The following MAPK10 variants were observed in gnomAD, a reference collection of about 807,000 sequenced individuals.
MAPK10 encodes mitogen-activated protein kinase 10.
Under a neutral mutation model 59.3 loss-of-function variants are expected in MAPK10, and 25 were observed. The ratio of observed to expected loss-of-function variants is 0.42; its 90% CI spans 0.31 to 0.59. The LOEUF is 0.59. Ranked by LOEUF, MAPK10 falls within the 20% of genes least tolerant of loss-of-function variation. The pLI, the probability that MAPK10 is intolerant of heterozygous loss-of-function variation, is 0.15. For synonymous variants in MAPK10, 190 were observed against 200.5 expected (o/e 0.95, Z 0.44); for missense variants, 351 against 568.9 (o/e 0.62, Z 3.90).
intron 4 of MAPK10, among the ~76,000 whole-genome samples, chr4:86,132,132 G>A (rs1055373489): frequency 6.6e-6 from 1 of 152,006 alleles, no homozygotes; most frequent in African/African-American, 2.4e-5. Context: ...AGTTCATAAA[G>A]GTCTCAATGA....
At chr4:86,339,080 A>G (rs144749905) in intron 2 of MAPK10, among the ~76,000 whole-genome samples, 1,963 of 152,266 alleles carry the variant, frequency 0.013, 9 homozygotes, top group Non-Finnish European at 0.015. Flanking sequence ...TAGGAATCAC[A>G]CTCTGCAGTC....
At chr4:86,274,880 C>A (rs1262774530) in intron 2 of MAPK10, among the ~76,000 whole-genome samples, 2 of 151,940 alleles carry the variant, frequency 1.3e-5, no homozygotes, top group Non-Finnish European at 2.9e-5. Flanking sequence ...TGAGATTAAG[C>A]AATTTTCTCA....
rs796310826 is a variant in MAPK10, at chr4:86,359,288, C to CTCTCTCTCTG, written c.-122+369_-122+370insCAGAGAGAGA. 2.0e-3 allele frequency among the ~76,000 whole-genome samples: 188 copies of CTCTCTCTCTG among 94,604 alleles called. 2 individuals carry two copies. Among genetic ancestry groups the CTCTCTCTCTG allele is most frequent in the East Asian group, 9.8e-3 (33 of 3,356 alleles). The allele number at this position is 94,604 out of a possible 152,430, so 62.1% of individuals were successfully genotyped here. A position where few individuals can be genotyped will look rare whatever the true frequency, so the allele number is the denominator to read the frequency against. ...CCTCTCTCTCTCTCTCTCTCTCTCT[C>CTCTCTCTCTG]TGTGTGTGTGTGTGTGTGTGTGTGT... On this transcript the variant is annotated intron_variant, in intron 1 of 13. Coordinates refer to ENST00000641462, the MANE Select transcript of MAPK10 (RefSeq NM_138982.4).
At chr4:86,317,304 C>T (rs1364006848) in intron 2 of MAPK10, among the ~76,000 whole-genome samples, 1 of 152,134 alleles carries the variant, frequency 6.6e-6, no homozygotes, top group African/African-American at 2.4e-5. Context: ...TCTGAGGTTC[C>T]TTCTCACGTT....
intron 2 of MAPK10, among the ~76,000 whole-genome samples, chr4:86,230,604 A>G (rs919642667): frequency 3.3e-5 from 5 of 152,222 alleles, no homozygotes; most frequent in African/African-American, 1.2e-4. Flanking sequence ...TATACAAATT[A>G]ATGTTACCTA....
chr4:86,501,112 C>A (rs6824534), intron 1 of MAPK10, among the ~76,000 whole-genome samples: 1 of 56,630 alleles, frequency 1.8e-5, no homozygotes, highest in African/African-American at 7.0e-5. Flanking sequence ...TCTCTACGAT[C>A]TGAAAAAAAA....
At chr4:86,157,798 C>T (rs2068279194) in intron 4 of MAPK10, among the ~76,000 whole-genome samples, 1 of 151,920 alleles carries the variant, frequency 6.6e-6, no homozygotes, top group African/African-American at 2.4e-5. Flanking sequence ...TGTTAACTTC[C>T]TGAGCAAAAT....
rs889905495 is a variant in MAPK10, at chr4:86,014,003, C to T, written c.*3225G>A. The stretch of plus-strand genomic sequence containing the variant: ...AGACATATTAATAGTAAAGTGGTGG[C>T]GGTTTTGCCAAACTCTTGCAGCAGT... On this transcript the variant is annotated 3_prime_UTR_variant, in exon 14 of 14. Coordinates refer to ENST00000641462, the MANE Select transcript of MAPK10 (RefSeq NM_138982.4). 6.6e-6 allele frequency: 1 copy of T among 152,168 alleles called. No individual in the cohort carries two copies. The highest frequency in any genetic ancestry group is 1.5e-5 in the Non-Finnish European group (1 of 68,038). The allele number at this position is 152,168 out of a possible 1,614,324, so 9.4% of individuals were successfully genotyped here.
intron 4 of MAPK10, chr4:86,127,549 T>TCCG (rs2060271582): frequency 6.6e-6 from 1 of 152,026 alleles, no homozygotes; most frequent in South Asian, 2.1e-4. Flanking sequence ...TGAAATCTCA[T>TCCG]TTCCCCATAA....
chr4:86,161,348 T>A (rs2069580798), intron 3 of MAPK10, among the ~76,000 whole-genome samples: 2 of 152,036 alleles, frequency 1.3e-5, no homozygotes, highest in Non-Finnish European at 2.9e-5. Flanking sequence ...ACAACAGGAT[T>A]TAGAATTTAG....
At chr4:86,023,835 A>G (rs953915542) in intron 13 of MAPK10, 2 of 142,116 alleles carry the variant, frequency 1.4e-5, no homozygotes, top group Non-Finnish European at 3.1e-5. Flanking sequence ...ATATATATAT[A>G]TATATATATA....
chr4:86,581,655 G>C (rs1423783198), intron 1 of MAPK10, among the ~76,000 whole-genome samples: 2 of 146,550 alleles, frequency 1.4e-5, no homozygotes, highest in Admixed American at 6.9e-5. Flanking sequence ...GTATAACTAA[G>C]CTATCTTTTT....
intron 13 of MAPK10, chr4:86,020,562 G>A (rs913341439): frequency 1.2e-5 from 2 of 168,454 alleles, no homozygotes; most frequent in Non-Finnish European, 2.5e-5. Flanking sequence ...GATTGAAGCC[G>A]CGGACCCTCG....
intron 11 of MAPK10, among the ~76,000 whole-genome samples, chr4:86,048,728 G>T (rs749942592): frequency 2.3e-4 from 35 of 152,060 alleles, no homozygotes; most frequent in Admixed American, 3.9e-4. Flanking sequence ...CATAGCTACA[G>T]AATTAGAAAC....
chr4:86,264,038 T>C (rs766833440), intron 2 of MAPK10, among the ~76,000 whole-genome samples: 5 of 152,208 alleles, frequency 3.3e-5, no homozygotes, highest in Admixed American at 1.3e-4. Flanking sequence ...GTTGCTTAAA[T>C]AGAAAATATT....
In MAPK10 at chr4:86,438,177, T is replaced by A. The variant is rs143188924; in HGVS notation, c.-122+14853A>T. Reference sequence around the variant, plus strand: ...CTAATTCTTGATCTGGGTGGCAATTTCGCTTACTGAAAATTTATACAGCCA... The same window carrying A: ...CTAATTCTTGATCTGGGTGGCAATTACGCTTACTGAAAATTTATACAGCCA... On this transcript the variant is annotated intron_variant, in intron 1 of 13. Coordinates refer to the MAPK10 transcript ENST00000361569. 2.4e-4 allele frequency among the ~76,000 whole-genome samples: 36 copies of A among 152,312 alleles called. No homozygotes were observed. The East Asian group carries it at 5.4e-3, about 23-fold the overall frequency.
chr4:86,473,339 AT>A (rs1418890514), intron 1 of MAPK10, among the ~76,000 whole-genome samples: 1 of 152,206 alleles, frequency 6.6e-6, no homozygotes, highest in Non-Finnish European at 1.5e-5. Flanking sequence ...GCAGGATTGA[AT>A]TTTCAAAAAG....
Position 86,415,136 on chromosome 4 carries a change from C to CAAA in MAPK10, c.-122+37891_-122+37893dup, listed in dbSNP as rs5860025. On this transcript the variant is annotated intron_variant, in intron 1 of 13. Transcript: ENST00000361569. ...ACCAGGCAACAGACCAAGATTCTGT[C>CAAA]AAAAAAAAAAAAAAAAAAAACTTCC... 1.5e-4 allele frequency among the ~76,000 whole-genome samples: 16 copies of CAAA among 106,270 alleles called. No homozygotes were observed. The East Asian group carries it at 1.7e-3, about 11-fold the overall frequency. 69.7% of individuals were successfully genotyped at this position (106,270 alleles called of 152,430 possible). A position where few individuals can be genotyped will look rare whatever the true frequency, so the allele number is the denominator to read the frequency against.
At chr4:86,323,317 A>G (rs1394012033) in intron 2 of MAPK10, among the ~76,000 whole-genome samples, 1 of 152,202 alleles carries the variant, frequency 6.6e-6, no homozygotes, top group Admixed American at 6.6e-5. Flanking sequence ...AAGTCTCTAA[A>G]TGTGGTCACA....
Sources: gnomAD v4.1 joint callset for allele counts (sites outside exome capture counted in the v4.1 genomes callset) on GRCh38, gnomAD v4.1.1 for gene constraint, MANE v1.5 for transcripts, NCBI Gene and HGNC (gene_info 2026-07-23, HGNC 2026-07-21) for gene names.